PPP1R12B: variants seen among roughly 807,000 people sequenced by gnomAD.
The protein encoded by PPP1R12B is myosin phosphatase target subunit 2.
PPP1R12B carries 76 observed loss-of-function variants against 126.1 expected under a neutral mutation model. The observed-to-expected ratio is 0.60, with a 90% CI of 0.50 to 0.73. PPP1R12B has a LOEUF of 0.73. PPP1R12B is among the 30% of genes least tolerant of loss of function. The pLI is 0.00. For synonymous variants in PPP1R12B, 356 were observed against 434.7 expected (o/e 0.82, Z 2.25); for missense variants, 1,052 against 1,205.1 (o/e 0.87, Z 1.88).
intron 1 of PPP1R12B, among the ~76,000 whole-genome samples, chr1:202,404,249 T>C (rs1329934017): frequency 6.6e-6 from 1 of 152,174 alleles, no homozygotes. Flanking sequence ...TCCACTAGCC[T>C]GTAGGGTAAA....
intron 1 of PPP1R12B, among the ~76,000 whole-genome samples, chr1:202,407,489 C>T (rs1666789714): frequency 1.3e-5 from 2 of 152,202 alleles, no homozygotes. Context: ...TGTCCAGAGC[C>T]TGCCTGACCA....
chr1:202,353,235 C>G (rs1218422996), intron 1 of PPP1R12B, among the ~76,000 whole-genome samples: 1 of 152,188 alleles, frequency 6.6e-6, no homozygotes, highest in Admixed American at 6.5e-5. Context: ...TTAACCTTTT[C>G]TCTTTTATTC....
At chr1:202,482,645 C>G (rs1374277322) in intron 13 of PPP1R12B, among the ~76,000 whole-genome samples, 2 of 152,064 alleles carry the variant, frequency 1.3e-5, no homozygotes, top group Non-Finnish European at 2.9e-5. Flanking sequence ...ATATTAACTC[C>G]TTGTCAGATG....
intron 18 of PPP1R12B, among the ~76,000 whole-genome samples, chr1:202,513,690 T>G (rs971347051): frequency 5.9e-5 from 9 of 152,308 alleles, no homozygotes; most frequent in African/African-American, 2.2e-4. Flanking sequence ...GGATATGAGG[T>G]ACTCACTGTG....
chr1:202,575,869 T>C (rs1689046821), intron 23 of PPP1R12B: 1 of 152,210 alleles, frequency 6.6e-6, no homozygotes, highest in Admixed American at 6.5e-5. Flanking sequence ...ACATTACCGA[T>C]GGAGAGGACT....
chr1:202,401,895 A>C (rs1665897320), intron 1 of PPP1R12B, among the ~76,000 whole-genome samples: 1 of 152,030 alleles, frequency 6.6e-6, no homozygotes, highest in African/African-American at 2.4e-5. Context: ...GTTGAGACAG[A>C]TTGAAAGCAA....
At position 202,427,165 on chromosome 1, in the gene PPP1R12B, T is replaced by C. The variant is rs1473398994; in HGVS notation, c.827T>C (p.Met276Thr). 2 of 1,614,060 alleles carry C rather than the reference T, an allele frequency of 1.2e-6. No individual in the cohort carries two copies. The highest frequency in any genetic ancestry group is 8.5e-7 in the Non-Finnish European group (1 of 1,180,006). The change falls in exon 5 of 24, where the codon ATG (methionine) becomes ACG (threonine). Residue 276 changes from methionine to threonine, a missense_variant. Coordinates refer to ENST00000608999, the MANE Select transcript of PPP1R12B (RefSeq NM_002481.4). ...ATCCTGGCAGAAGCACTTTGTGACA[T>C]GGATATTCGAAATAAACTGGTTAGT... ...CSILAEALCD[M>T]DIRNKLGQTP... is the part of the protein sequence containing the mutation.
intron 1 of PPP1R12B, among the ~76,000 whole-genome samples, chr1:202,350,362 A>G (rs1412077842): frequency 1.3e-5 from 2 of 152,098 alleles, no homozygotes; most frequent in Admixed American, 6.5e-5. Context: ...GATCCTTTGA[A>G]GTAGGTGTGG....
chr1:202,354,790 G>C (rs1310558627), intron 1 of PPP1R12B, among the ~76,000 whole-genome samples: 1 of 151,240 alleles, frequency 6.6e-6, no homozygotes, highest in Non-Finnish European at 1.5e-5. Flanking sequence ...TGGGATTACA[G>C]GGGGGTGACA....
chr1:202,397,376 A>G (rs1665141309), intron 1 of PPP1R12B, among the ~76,000 whole-genome samples: 1 of 151,896 alleles, frequency 6.6e-6, no homozygotes. Flanking sequence ...TACCACCTTT[A>G]CTCACTCATC....
In PPP1R12B at chr1:202,419,426, C is replaced by T. The variant is rs1240314060; in HGVS notation, c.422+2509C>T. The stretch of plus-strand genomic sequence containing the variant: ...GAGCCTTTGGGCAACTGTAAGGATT[C>T]TCAGAGATAAAGTAGAAATTACTTC... On this transcript the variant is annotated intron_variant, in intron 2 of 23. Transcript: ENST00000608999. The surrounding 1 kb of genome is among the most constrained non-coding windows in gnomAD (Gnocchi z 4.6). Among the ~76,000 whole-genome samples the T allele has an allele frequency of 6.6e-6, 1 of 152,086 alleles. No homozygotes were observed. Among genetic ancestry groups the T allele is most frequent in the Non-Finnish European group, 1.5e-5 (1 of 68,018 alleles).
At chr1:202,525,068 G>A (rs914031949) in intron 18 of PPP1R12B, among the ~76,000 whole-genome samples, 1 of 151,958 alleles carries the variant, frequency 6.6e-6, no homozygotes, top group Non-Finnish European at 1.5e-5. Context: ...TAGTGGAGTC[G>A]GGGTTTCACT....
At chr1:202,372,073 G>A (rs1660378822) in intron 1 of PPP1R12B, among the ~76,000 whole-genome samples, 1 of 151,970 alleles carries the variant, frequency 6.6e-6, no homozygotes, top group Non-Finnish European at 1.5e-5. Context: ...ATTTCACCAT[G>A]TTGGCCAGGC....
chr1:202,588,582 C>T lies in PPP1R12B; in HGVS notation c.*8022C>T, dbSNP rs1689963559. 6.6e-6 allele frequency: 1 copy of T among 152,544 alleles called. No homozygotes were observed. The highest frequency in any genetic ancestry group is 2.4e-5 in the African/African-American group (1 of 41,398). The allele number at this position is 152,544 out of a possible 1,614,324, so 9.4% of individuals were successfully genotyped here. A position where few individuals can be genotyped will look rare whatever the true frequency, so the allele number is the denominator to read the frequency against. The stretch of plus-strand genomic sequence containing the variant: ...TGTTTTAACTTTGTGACTGTCTCCA[C>T]AGTTCAGAGCATGGGATTTCTAGAA... On this transcript the variant is annotated 3_prime_UTR_variant, in exon 24 of 24. Coordinates refer to ENST00000608999, the MANE Select transcript of PPP1R12B (RefSeq NM_002481.4).
At position 202,445,270 on chromosome 1, in the gene PPP1R12B, T is replaced by A. The variant is rs148439503; in HGVS notation, c.1667+2698T>A. 21 of 1,218,424 alleles carry A rather than the reference T, an allele frequency of 1.7e-5. No individual in the cohort carries two copies. The East Asian group carries it at 6.3e-4, about 37-fold the overall frequency. 75.5% of individuals were successfully genotyped at this position (1,218,424 alleles called of 1,614,324 possible). ...CCATTTGAGTTGCATTCATCAAAGT[T>A]AATGGCTCTGAAAACACATATGAAA... is the stretch of plus-strand genomic sequence containing the variant. On this transcript the variant is annotated intron_variant, in intron 12 of 23. Coordinates refer to ENST00000608999, the MANE Select transcript of PPP1R12B (RefSeq NM_002481.4).
At chr1:202,386,541 G>A (rs1339408295) in intron 1 of PPP1R12B, among the ~76,000 whole-genome samples, 4 of 151,402 alleles carry the variant, frequency 2.6e-5, no homozygotes, top group African/African-American at 7.3e-5. Context: ...CCGGGGTCTC[G>A]ATCTCCTGAC....
intron 13 of PPP1R12B, among the ~76,000 whole-genome samples, chr1:202,453,998 C>T (rs750803024): frequency 1.9e-4 from 29 of 152,062 alleles, no homozygotes; most frequent in South Asian, 1.4e-3. Context: ...CACCTAGAAA[C>T]TAAATGCAAA....
intron 18 of PPP1R12B, among the ~76,000 whole-genome samples, chr1:202,544,994 C>T (rs1685505520): frequency 6.6e-6 from 1 of 152,238 alleles, no homozygotes; most frequent in Non-Finnish European, 1.5e-5. Flanking sequence ...TTTGTGCCTT[C>T]CTCTGACAAG....
chr1:202,362,653 G>GT (rs143292643), intron 1 of PPP1R12B, among the ~76,000 whole-genome samples: 56,145 of 144,296 alleles, frequency 0.39, 12,960 homozygotes, highest in East Asian at 0.68. Context: ...AAGGCCCAGG[G>GT]TTTTTGTTTT....
Sources: gnomAD v4.1 joint callset for allele counts (sites outside exome capture counted in the v4.1 genomes callset) on GRCh38, gnomAD v4.1.1 for gene constraint, Gnocchi (gnomAD v3.1) non-coding constraint, MANE v1.5 for transcripts, NCBI Gene and HGNC (gene_info 2026-07-23, HGNC 2026-07-21) for gene names.